RAP1GDS1: variants seen among roughly 807,000 people sequenced by gnomAD.
RAP1GDS1 encodes Rap1 GTPase-GDP dissociation stimulator 1.
RAP1GDS1 carries 35 observed loss-of-function variants against 71.1 expected under a neutral mutation model. That is an observed-to-expected ratio of 0.49 (90% CI 0.38 to 0.65). The LOEUF (loss-of-function observed/expected upper bound fraction) is 0.65, where lower values mean the gene tolerates loss of function less well. Among genes scored for constraint, RAP1GDS1 ranks in the 30% least tolerant of loss-of-function variants. The probability of loss-of-function intolerance (pLI) is 0.00; values close to 1 mark genes in which losing one functional copy is unlikely to be tolerated. For synonymous variants in RAP1GDS1, 229 were observed against 243.1 expected (o/e 0.94, Z 0.54); for missense variants, 663 against 706.1 (o/e 0.94, Z 0.69).
At chr4:98,289,336 C>T (rs1053712160) in intron 1 of RAP1GDS1, among the ~76,000 whole-genome samples, 2 of 152,182 alleles carry the variant, frequency 1.3e-5, no homozygotes, top group Middle Eastern at 3.4e-3. Flanking sequence ...TATTAGTTGA[C>T]TTCGCCAAGT....
chr4:98,415,798 T>C (rs1747864190), intron 7 of RAP1GDS1, among the ~76,000 whole-genome samples: 1 of 152,230 alleles, frequency 6.6e-6, no homozygotes, highest in African/African-American at 2.4e-5. Flanking sequence ...ACTTTTATTA[T>C]GAACATTTTG....
intron 10 of RAP1GDS1, among the ~76,000 whole-genome samples, 179 bp from the exon 11 acceptor site, chr4:98,419,840 G>A (rs1384512697): frequency 6.6e-6 from 1 of 151,950 alleles, no homozygotes; most frequent in Non-Finnish European, 1.5e-5. Flanking sequence ...AATAGGATAC[G>A]GACACACACA....
At chr4:98,402,584 A>T (rs1745589245) in intron 6 of RAP1GDS1, among the ~76,000 whole-genome samples, 1 of 152,124 alleles carries the variant, frequency 6.6e-6, no homozygotes, top group Non-Finnish European at 1.5e-5. Context: ...TTTGGAATAG[A>T]TCCGTTGACA....
Position 98,352,725 on chromosome 4 carries a change from G to A in RAP1GDS1, c.361+124G>A. ...CACTAACATGGGCCGGCATGATTCA[G>A]CACTGCTTATTTAGCAGAATTTATG... On this transcript the variant is annotated intron_variant, in intron 4 of 14. Transcript: ENST00000408927. 5.5e-6 allele frequency: 5 copies of A among 904,772 alleles called. No individual in the cohort carries two copies. In the South Asian group the frequency reaches 1.0e-4, roughly 19 times the overall value. The allele number at this position is 904,772 out of a possible 1,614,324, so 56.0% of individuals were successfully genotyped here. A position where few individuals can be genotyped will look rare whatever the true frequency, so the allele number is the denominator to read the frequency against.
At chr4:98,404,889 C>G (rs1745906112) in intron 7 of RAP1GDS1, among the ~76,000 whole-genome samples, 1 of 152,150 alleles carries the variant, frequency 6.6e-6, no homozygotes, top group Non-Finnish European at 1.5e-5. Context: ...CTGAGCTCTA[C>G]TTCTACACAC....
intron 2 of RAP1GDS1, among the ~76,000 whole-genome samples, chr4:98,325,612 G>A (rs956269048): frequency 1.6e-4 from 24 of 150,882 alleles, no homozygotes; most frequent in Non-Finnish European, 3.0e-4. Context: ...ATGAGTTCAT[G>A]TCCTTTGTAG....
rs1745870432 is a variant in RAP1GDS1 at position 98,404,600 on chromosome 4, A to G, written c.761A>G (p.Asn254Ser). Residue 254 changes from asparagine (N) to serine (S), a missense_variant and splice_region_variant, in exon 7 of 15, where the codon AAT becomes AGT. By Grantham distance (46) the Asn-to-Ser change is conservative. Transcript: ENST00000408927. ...GAAGTTCTTGCTCCATTGGCAGAAAATGGTGAGAAACTTAAATGCACCTTT... is the reference window on the plus strand; with the variant it reads ...GAAGTTCTTGCTCCATTGGCAGAAAGTGGTGAGAAACTTAAATGCACCTTT... ...IFEVLAPLAE[N>S]DAIKLQLVEA... The G allele has an allele frequency of 3.8e-6, 6 of 1,598,040 alleles. No homozygotes were observed. Among genetic ancestry groups the G allele is most frequent in the Non-Finnish European group, 5.1e-6 (6 of 1,174,758 alleles).
At chr4:98,330,614 C>A (rs1479799321) in intron 2 of RAP1GDS1, among the ~76,000 whole-genome samples, 1 of 150,306 alleles carries the variant, frequency 6.7e-6, no homozygotes, top group African/African-American at 2.5e-5. Context: ...TCCCCACATC[C>A]CAGACGATGG....
rs145529706 is a variant in RAP1GDS1, at chr4:98,284,776, T to C, written c.5-8632T>C. 1.0e-3 allele frequency among the ~76,000 whole-genome samples: 154 copies of C among 152,288 alleles called. 1 individual carries two copies. The highest frequency in any genetic ancestry group is 3.6e-3 in the African/African-American group (150 of 41,566). On this transcript the variant is annotated intron_variant, in intron 1 of 14. Transcript: ENST00000408927. ...TGGAGCCCTGAGAAATCCGAGTACC[T>C]GGAGGTTGCTGTGTCAGGAAGCTAA...
At chr4:98,389,992 C>T (rs950703036) in intron 5 of RAP1GDS1, among the ~76,000 whole-genome samples, 2 of 152,108 alleles carry the variant, frequency 1.3e-5, no homozygotes, top group African/African-American at 2.4e-5. Context: ...TCAATGCATG[C>T]GCTAGTGCTC....
chr4:98,270,004 G>A (rs2110228937), intron 1 of RAP1GDS1, among the ~76,000 whole-genome samples: 1 of 152,266 alleles, frequency 6.6e-6, no homozygotes, highest in Non-Finnish European at 1.5e-5. Context: ...TTCTATCAGA[G>A]TTCTGGAGTC....
At chr4:98,377,099 A>G (rs1366008756) in intron 4 of RAP1GDS1, among the ~76,000 whole-genome samples, 6 of 151,942 alleles carry the variant, frequency 3.9e-5, no homozygotes, top group Admixed American at 1.3e-4. Context: ...GAAATTCCTA[A>G]TATATGAATA....
chr4:98,361,149 C>T (rs932171964), intron 4 of RAP1GDS1, among the ~76,000 whole-genome samples: 2 of 150,318 alleles, frequency 1.3e-5, no homozygotes, highest in South Asian at 4.2e-4. Flanking sequence ...CGTTGAGAAA[C>T]TATGCTGTCA....
chr4:98,318,927 C>T (rs1056660846), intron 2 of RAP1GDS1, among the ~76,000 whole-genome samples: 1 of 151,934 alleles, frequency 6.6e-6, no homozygotes, highest in Admixed American at 6.6e-5. Flanking sequence ...TTTCCAAAAC[C>T]GTGGAAATGA....
intron 1 of RAP1GDS1, among the ~76,000 whole-genome samples, chr4:98,277,437 A>T (rs940229507): frequency 6.6e-6 from 1 of 152,130 alleles, no homozygotes; most frequent in Non-Finnish European, 1.5e-5. Flanking sequence ...GAACTTTGCT[A>T]CCTCTTATTT....
intron 5 of RAP1GDS1, among the ~76,000 whole-genome samples, chr4:98,390,027 G>C (rs1297755368): frequency 6.6e-6 from 1 of 152,076 alleles, no homozygotes; most frequent in Non-Finnish European, 1.5e-5. Flanking sequence ...GAAATTTAAT[G>C]ATTCATCAGC....
chr4:98,335,606 A>G (rs1211415876), intron 2 of RAP1GDS1, among the ~76,000 whole-genome samples: 1 of 152,018 alleles, frequency 6.6e-6, no homozygotes, highest in Non-Finnish European at 1.5e-5. Flanking sequence ...CTTCTTTTTA[A>G]AAAAACTTAT....
chr4:98,339,790 A>G (rs1208321961), intron 2 of RAP1GDS1, among the ~76,000 whole-genome samples: 2 of 152,244 alleles, frequency 1.3e-5, no homozygotes, highest in East Asian at 1.9e-4. Flanking sequence ...TGGAATAGCT[A>G]TTATTAAAAA....
At chr4:98,388,439 A>G (rs1011214993) in intron 5 of RAP1GDS1, among the ~76,000 whole-genome samples, 3 of 152,184 alleles carry the variant, frequency 2.0e-5, no homozygotes, top group Non-Finnish European at 4.4e-5. Context: ...AAAATGAGAT[A>G]GCCCTGGTGG....
Sources: allele counts gnomAD v4.1 joint callset (sites outside exome capture counted in the v4.1 genomes callset), GRCh38; gene constraint gnomAD v4.1.1; transcripts MANE v1.5; gene names NCBI Gene and HGNC (gene_info 2026-07-23, HGNC 2026-07-21).